Variants in PLCL1 observed in about 807,000 individuals in gnomAD.
The protein encoded by PLCL1 is phospholipase C like 1 (inactive).
In PLCL1, 41 loss-of-function variants were observed where a neutral mutation model predicts 84.4. The ratio of observed to expected loss-of-function variants is 0.49; its 90% CI spans 0.38 to 0.63. The LOEUF is 0.63. PLCL1 is among the 30% of genes least tolerant of loss of function. The pLI is 0.00. For synonymous variants in PLCL1, 490 were observed against 488.3 expected, an observed-to-expected ratio of 1.00 and a Z score of -0.05; for missense variants, 1,206 against 1,367.8, an observed-to-expected ratio of 0.88 and a Z score of 1.87.
chr2:198,074,379 A>G (rs1227041360), intron 1 of PLCL1, among the ~76,000 whole-genome samples: 3 of 152,234 alleles, frequency 2.0e-5, no homozygotes, highest in Non-Finnish European at 4.4e-5. Flanking sequence ...CAAAACTCAC[A>G]TAATATTGAA....
At chr2:198,127,346 T>C (rs934474994) in intron 5 of PLCL1, among the ~76,000 whole-genome samples, 2 of 152,204 alleles carry the variant, frequency 1.3e-5, no homozygotes, top group South Asian at 2.1e-4. Context: ...GATTAAGTTG[T>C]GTATATTAAA....
intron 1 of PLCL1, among the ~76,000 whole-genome samples, chr2:197,977,283 C>T (rs996109348): frequency 6.6e-6 from 1 of 152,038 alleles, no homozygotes; most frequent in Non-Finnish European, 1.5e-5. Flanking sequence ...TCCCCCCGCC[C>T]CCTCACCTAA....
At chr2:197,907,560 G>A (rs1304504608) in intron 1 of PLCL1, among the ~76,000 whole-genome samples, 1 of 152,150 alleles carries the variant, frequency 6.6e-6, no homozygotes, top group African/African-American at 2.4e-5. Flanking sequence ...TTTACCTTCA[G>A]TTACTTTGGG....
In PLCL1 at chr2:198,083,769, C is replaced by T; in HGVS notation, c.252C>T (p.Asn84=). ...AAATTATTTTACAGGATCCTTCAAA[C>T]CAAAAATGTGGTGGAAGAAAGAAAA... The part of the protein sequence containing the change: ...RRSSIIKDPS[N]QKCGGRKKTV... Residue 84 remains asparagine, a synonymous_variant, in exon 2 of 6, where the codon AAC becomes AAT. Coordinates refer to ENST00000428675, the MANE Select transcript of PLCL1 (RefSeq NM_006226.4). 1 of 1,578,286 alleles carries T rather than the reference C, an allele frequency of 6.3e-7. No individual in the cohort carries two copies.
chr2:197,906,290 T>C (rs956328206), intron 1 of PLCL1, among the ~76,000 whole-genome samples: 10 of 152,040 alleles, frequency 6.6e-5, no homozygotes, highest in African/African-American at 2.4e-4. Context: ...ATGCCAGTTT[T>C]CCCAATGCCA....
At chr2:198,075,738 T>G (rs1435640719) in intron 1 of PLCL1, among the ~76,000 whole-genome samples, 7 of 152,046 alleles carry the variant, frequency 4.6e-5, no homozygotes, top group Admixed American at 4.6e-4. Flanking sequence ...TTAGAAACAT[T>G]CTTTATACAT....
chr2:198,044,312 C>G (rs962951285), intron 1 of PLCL1, among the ~76,000 whole-genome samples: 1 of 152,142 alleles, frequency 6.6e-6, no homozygotes, highest in African/African-American at 2.4e-5. Context: ...AGTGGCTTCT[C>G]CTAGTGATTT....
chr2:197,815,213 T>C (rs1690663592), intron 1 of PLCL1, among the ~76,000 whole-genome samples: 1 of 152,192 alleles, frequency 6.6e-6, no homozygotes, highest in Non-Finnish European at 1.5e-5. Flanking sequence ...TAACTTTAAG[T>C]GGAAGCCAAT....
At chr2:198,089,313 A>T (rs1406912747) in intron 3 of PLCL1, among the ~76,000 whole-genome samples, 8 of 152,216 alleles carry the variant, frequency 5.3e-5, no homozygotes, top group Non-Finnish European at 8.8e-5. Context: ...ATGAATTATT[A>T]AAAAACCCTC....
chr2:197,843,342 A>G (rs1287478920), intron 1 of PLCL1, among the ~76,000 whole-genome samples: 1 of 152,186 alleles, frequency 6.6e-6, no homozygotes, highest in Non-Finnish European at 1.5e-5. Flanking sequence ...TACATCCCTC[A>G]AGGTTCAGAT....
chr2:197,865,245 C>T (rs974532425), intron 1 of PLCL1, among the ~76,000 whole-genome samples: 1 of 152,100 alleles, frequency 6.6e-6, no homozygotes, highest in Non-Finnish European at 1.5e-5. Flanking sequence ...GGGAAACCAG[C>T]AGGGGACGTA....
In PLCL1 at chr2:198,104,237, T is replaced by C. The variant is rs534308343; in HGVS notation, c.3105+301T>C. On this transcript the variant is annotated intron_variant, in intron 5 of 5. Coordinates refer to ENST00000428675, the MANE Select transcript of PLCL1 (RefSeq NM_006226.4). ...CCCTGGTGTCTGCTGTTCCTCTCTT[T>C]GTGTCCATGTGGTCTCATTGTTTAG... is the stretch of plus-strand genomic sequence containing the variant. 2.6e-5 allele frequency among the ~76,000 whole-genome samples: 4 copies of C among 152,160 alleles called. No homozygotes were observed. The East Asian group carries it at 7.8e-4, about 30-fold the overall frequency.
chr2:198,046,572 T>A (rs1468150386), intron 1 of PLCL1, among the ~76,000 whole-genome samples: 1 of 152,238 alleles, frequency 6.6e-6, no homozygotes. Context: ...GCTCAGTGGC[T>A]CATACCTGTA....
At chr2:197,834,842 A>G (rs1691149078) in intron 1 of PLCL1, among the ~76,000 whole-genome samples, 1 of 152,260 alleles carries the variant, frequency 6.6e-6, no homozygotes, top group Non-Finnish European at 1.5e-5. Flanking sequence ...GTAAAGACAC[A>G]TGCACACGTA....
rs918001327 is a variant in PLCL1 at position 198,085,584 on chromosome 2, G to A, written c.2067G>A (p.Gly689=). 2 of 1,614,098 alleles carry A rather than the reference G, an allele frequency of 1.2e-6. No homozygotes were observed. Among genetic ancestry groups the A allele is most frequent in the Non-Finnish European group, 1.7e-6 (2 of 1,180,002 alleles). Residue 689 remains glycine, a synonymous_variant, in exon 2 of 6, where the codon GGG becomes GGA. Transcript: ENST00000428675. This position sits in a 1 kb window ranked among gnomAD's most constrained non-coding sequence, Gnocchi z 5.3. ...ACACGGGCTGGTTTCTTCAAAACGG[G>A]GGATGTGGTTATGTTCTAAGGCCGT... ...DLHTGWFLQN[G]GCGYVLRPSI...
chr2:197,816,254 C>T (rs1361985111), intron 1 of PLCL1, among the ~76,000 whole-genome samples: 2 of 152,040 alleles, frequency 1.3e-5, no homozygotes, highest in African/African-American at 4.8e-5. Context: ...TTATGACTGG[C>T]TGAAGGCTCA....
chr2:198,058,664 C>A (rs1383643375), intron 1 of PLCL1, among the ~76,000 whole-genome samples: 2 of 151,742 alleles, frequency 1.3e-5, no homozygotes, highest in African/African-American at 4.8e-5. Context: ...GCTCTATCTA[C>A]CTGTACCAGA....
chr2:197,897,575 AAAAC>A (rs1294743389), intron 1 of PLCL1, among the ~76,000 whole-genome samples: 14 of 152,158 alleles, frequency 9.2e-5, no homozygotes, highest in South Asian at 2.1e-4. Context: ...AAATGAGAAA[AAAAC>A]AAACAAAAAT....
rs142252770 is a variant in PLCL1, at chr2:197,996,592, C to A, written c.241-87166C>A. On this transcript the variant is annotated intron_variant, in intron 1 of 5. Transcript: ENST00000428675. ...TATTTTCTGTAAACCTAAAACTGCTCTAAAAATAAAGTCTATTAATTAAAA... is the reference window on the plus strand; with the variant it reads ...TATTTTCTGTAAACCTAAAACTGCTATAAAAATAAAGTCTATTAATTAAAA... Among the ~76,000 whole-genome samples the A allele has an allele frequency of 9.6e-4, 146 of 151,398 alleles. 1 individual carries two copies. Among genetic ancestry groups the A allele is most frequent in the African/African-American group, 3.3e-3 (137 of 41,180 alleles).
Sources: allele counts gnomAD v4.1 joint callset (sites outside exome capture counted in the v4.1 genomes callset), GRCh38; gene constraint gnomAD v4.1.1; non-coding constraint Gnocchi (gnomAD v3.1); transcripts MANE v1.5; gene names NCBI Gene and HGNC (gene_info 2026-07-23, HGNC 2026-07-21).